Variants in SEMA6D observed in about 807,000 individuals in gnomAD.
SEMA6D encodes the protein semaphorin-6D.
In SEMA6D, 35 loss-of-function variants were observed where a neutral mutation model predicts 106.6. That is an observed-to-expected ratio of 0.33 (90% CI 0.25 to 0.44). SEMA6D has a LOEUF of 0.44. Among genes scored for constraint, SEMA6D ranks in the 20% least tolerant of loss-of-function variants. SEMA6D has a pLI of 1.00. For synonymous variants in SEMA6D, 499 were observed against 487.7 expected (o/e 1.02, Z -0.31); for missense variants, 1,185 against 1,345.9 (o/e 0.88, Z 1.87).
At chr15:47,766,787 CATTTA>C (rs1379205512) in intron 16 of SEMA6D, 110 bp downstream of exon 16, 1 of 758,220 alleles carries the variant, frequency 1.3e-6, no homozygotes, top group Non-Finnish European at 2.2e-6. Flanking sequence ...TACCACCTAG[CATTTA>C]ACTTAAACTT....
intron 1 of SEMA6D, among the ~76,000 whole-genome samples, chr15:47,253,947 T>G (rs1339111950): frequency 6.6e-6 from 1 of 152,174 alleles, no homozygotes; most frequent in East Asian, 1.9e-4. Flanking sequence ...TTGGGTAGTA[T>G]GGACATTTTA....
At chr15:47,198,751 A>G (rs939633372) in intron 1 of SEMA6D, among the ~76,000 whole-genome samples, 1 of 152,176 alleles carries the variant, frequency 6.6e-6, no homozygotes, top group African/African-American at 2.4e-5. Flanking sequence ...TCTAAACCCA[A>G]AGCCCAAAAT....
chr15:47,615,025 G>A (rs1385558508), intron 4 of SEMA6D, among the ~76,000 whole-genome samples: 1 of 152,144 alleles, frequency 6.6e-6, no homozygotes, highest in Non-Finnish European at 1.5e-5. Context: ...ACCACAACCT[G>A]TTAGGGAATA....
Position 47,190,950 on chromosome 15 carries a change from G to C in SEMA6D, c.-239+6532G>C, listed in dbSNP as rs138673929. 1.3e-3 allele frequency among the ~76,000 whole-genome samples: 193 copies of C among 152,226 alleles called. 2 individuals are homozygous for C. The highest frequency in any genetic ancestry group is 4.5e-3 in the African/African-American group (186 of 41,530). ...TTTGGGAGGCTGAGATGAGAGGACT[G>C]TTTGAGCCCAGGAGTTCCAAACCAG... is the stretch of plus-strand genomic sequence containing the variant. On this transcript the variant is annotated intron_variant, in intron 1 of 19. Transcript: ENST00000558014.
At chr15:47,274,764 C>G (rs567939504) in intron 1 of SEMA6D, 1 of 152,450 alleles carries the variant, frequency 6.6e-6, no homozygotes, top group Non-Finnish European at 1.5e-5. Flanking sequence ...CCCTGATGTT[C>G]TATCACACCT....
At chr15:47,742,763 T>C (rs1178712302) in intron 1 of SEMA6D, among the ~76,000 whole-genome samples, 1 of 152,184 alleles carries the variant, frequency 6.6e-6, no homozygotes, top group African/African-American at 2.4e-5. Flanking sequence ...CCAGTCCTGC[T>C]AGAACGCCTT....
At chr15:47,254,875 T>TTTTTTTTGTGTGTG (rs1555411185) in intron 1 of SEMA6D, among the ~76,000 whole-genome samples, 11 of 134,308 alleles carry the variant, frequency 8.2e-5, no homozygotes, top group African/African-American at 3.1e-4. Context: ...ACCTGTGGTT[T>TTTTTTTTGTGTGTG]TGTGTGTGTG....
At chr15:47,379,162 T>C (rs142456375) in intron 1 of SEMA6D, among the ~76,000 whole-genome samples, 4 of 152,346 alleles carry the variant, frequency 2.6e-5, no homozygotes, top group African/African-American at 9.6e-5. Flanking sequence ...ATCTCACTAA[T>C]AAATTAATTC....
At chr15:47,472,282 G>T (rs989777217) in intron 3 of SEMA6D, among the ~76,000 whole-genome samples, 4 of 152,122 alleles carry the variant, frequency 2.6e-5, no homozygotes, top group Non-Finnish European at 5.9e-5. Context: ...GTTAAAGATG[G>T]ATGGCATTTT....
chr15:47,686,268 A>C (rs1442546059), intron 4 of SEMA6D, among the ~76,000 whole-genome samples: 1 of 152,200 alleles, frequency 6.6e-6, no homozygotes, highest in South Asian at 2.1e-4. Context: ...GAAAAAAAAA[A>C]CTTTAAATAT....
chr15:47,476,677 G>T (rs190411945), intron 3 of SEMA6D, among the ~76,000 whole-genome samples: 6 of 152,216 alleles, frequency 3.9e-5, no homozygotes, highest in Admixed American at 3.3e-4. Context: ...AAGCAGTGCT[G>T]ACACGCCCCA....
At chr15:47,315,567 G>A (rs1406213378) in intron 1 of SEMA6D, among the ~76,000 whole-genome samples, 1 of 152,090 alleles carries the variant, frequency 6.6e-6, no homozygotes, top group Non-Finnish European at 1.5e-5. Flanking sequence ...TCAATATTAT[G>A]TTGTTTATTC....
At chr15:47,416,141 ATACT>A (rs1166996793) in intron 2 of SEMA6D, among the ~76,000 whole-genome samples, 12 of 152,078 alleles carry the variant, frequency 7.9e-5, no homozygotes, top group African/African-American at 2.9e-4. Context: ...CATTGTGGAG[ATACT>A]TACTTGTGTG....
intron 2 of SEMA6D, among the ~76,000 whole-genome samples, chr15:47,460,263 T>A (rs1358816732): frequency 6.6e-6 from 1 of 152,110 alleles, no homozygotes; most frequent in Non-Finnish European, 1.5e-5. Context: ...GTCTCATTAC[T>A]GCTTATCAGA....
intron 1 of SEMA6D, among the ~76,000 whole-genome samples, chr15:47,279,429 G>C (rs1477419752): frequency 6.9e-6 from 1 of 145,256 alleles, no homozygotes; most frequent in African/African-American, 2.7e-5. Context: ...ATTTTGGGCT[G>C]AGACAATGGG....
At chr15:47,223,806 A>AT (rs2031418861) in intron 1 of SEMA6D, among the ~76,000 whole-genome samples, 1 of 152,090 alleles carries the variant, frequency 6.6e-6, no homozygotes, top group African/African-American at 2.4e-5. Flanking sequence ...TATGGTACAT[A>AT]TATTTATTTG....
chr15:47,346,254 T>C (rs1349181634), intron 1 of SEMA6D, among the ~76,000 whole-genome samples: 1 of 152,152 alleles, frequency 6.6e-6, no homozygotes, highest in Non-Finnish European at 1.5e-5. Flanking sequence ...CAGTTTTTCA[T>C]GTAGCTCAAG....
chr15:47,545,065 A>T (rs2045476728), intron 3 of SEMA6D, among the ~76,000 whole-genome samples: 1 of 152,046 alleles, frequency 6.6e-6, no homozygotes, highest in African/African-American at 2.4e-5. Flanking sequence ...ATGGCATGGG[A>T]TGAGGGAAGA....
At chr15:47,595,704 G>A (rs1394273708) in intron 3 of SEMA6D, among the ~76,000 whole-genome samples, 2 of 151,986 alleles carry the variant, frequency 1.3e-5, no homozygotes, top group Admixed American at 6.6e-5. Context: ...CAAGTCCTGG[G>A]CTTTTCTTTG....
Sources: allele counts gnomAD v4.1 joint callset (sites outside exome capture counted in the v4.1 genomes callset), GRCh38; gene constraint gnomAD v4.1.1; transcripts MANE v1.5; gene names NCBI Gene and HGNC (gene_info 2026-07-23, HGNC 2026-07-21).